Variants in EEF2K observed in about 807,000 individuals in gnomAD.
EEF2K encodes the protein eukaryotic elongation factor 2 kinase.
A neutral mutation model predicts 93.8 loss-of-function variants in EEF2K; 70 were observed. The observed-to-expected ratio is 0.75, with a 90% confidence interval of 0.62 to 0.91. The LOEUF (loss-of-function observed/expected upper bound fraction) is 0.91. Among genes scored for constraint, EEF2K ranks in the 40% least tolerant of loss-of-function variants. EEF2K has a pLI of 0.00. For missense variants in EEF2K, 935 were observed against 972.9 expected (o/e 0.96, Z 0.52); for synonymous variants, 376 against 380.8 (o/e 0.99, Z 0.15).
chr16:22,268,562 GT>G lies in EEF2K; in HGVS notation c.1764+1688del, dbSNP rs529275709. 5.9e-5 allele frequency among the ~76,000 whole-genome samples: 9 copies of G among 152,070 alleles called. No individual in the cohort carries two copies. In the South Asian group the frequency reaches 1.9e-3, roughly 32 times the overall value. ...GCTCACTGTAGCCTTGACCTCCTGG[GT>G]TCAAGCGATCCTCCTGCCTCAGCCT... On this transcript the variant is annotated intron_variant, in intron 15 of 17. Coordinates refer to ENST00000263026, the MANE Select transcript of EEF2K (RefSeq NM_013302.5).
At position 22,283,865 on chromosome 16, in the gene EEF2K, G is replaced by GC. The variant is rs756800904; in HGVS notation, c.2069-16dup. Reference sequence around the variant, plus strand: ...AACAACAGGTGGTTCACCTCTTTTTGCCCCCCTTTGCTGTCTTTCAGGGGA... The same window carrying GC: ...AACAACAGGTGGTTCACCTCTTTTTGCCCCCCCTTTGCTGTCTTTCAGGGGA... On this transcript the variant is annotated intron_variant, in intron 17 of 17. Transcript: ENST00000263026. 176 of 1,563,102 alleles carry GC rather than the reference G, an allele frequency of 1.1e-4. 2 individuals are homozygous for GC. The East Asian group carries it at 3.8e-3, about 34-fold the overall frequency.
chr16:22,260,640 C>G, intron 11 of EEF2K, 111 bp downstream of exon 11: 1 of 1,343,032 alleles, frequency 7.4e-7, no homozygotes, highest in Admixed American at 1.8e-5. Context: ...AGCCCAGGCA[C>G]TGCCAGGAGG....
rs1018940464 is a variant in EEF2K at position 22,285,118 on chromosome 16, C to G, written c.*1122C>G. The G allele has an allele frequency of 6.6e-6, 1 of 152,596 alleles. No individual in the cohort carries two copies. The highest frequency in any genetic ancestry group is 1.5e-5 in the Non-Finnish European group (1 of 68,054). The allele number at this position is 152,596 out of a possible 1,614,324, so 9.5% of individuals were successfully genotyped here. On this transcript the variant is annotated 3_prime_UTR_variant, in exon 18 of 18. Transcript: ENST00000263026. ...GAGGGTGCACCTCAAAGCTTTTACA[C>G]GTAAGGACAGCGGCTTGGAATGTGA...
At chr16:22,269,955 CTTT>C (rs60467730) in intron 15 of EEF2K, among the ~76,000 whole-genome samples, 2 of 141,786 alleles carry the variant, frequency 1.4e-5, no homozygotes, top group African/African-American at 5.2e-5. Context: ...CTTCCTGATT[CTTT>C]TTTTTTTTTT....
chr16:22,283,796 G>A, intron 17 of EEF2K, 91 bp from the exon 18 acceptor site: 21 of 1,231,794 alleles, frequency 1.7e-5, no homozygotes, highest in Non-Finnish European at 2.3e-5. Context: ...GAAACGTCAG[G>A]GTGTTCTTCT....
rs190422965 is a variant in EEF2K at position 22,257,613 on chromosome 16, A to G, written c.902-30A>G. 1,151 of 1,608,462 alleles carry G rather than the reference A, an allele frequency of 7.2e-4. 6 individuals carry two copies. The African/African-American group carries it at 0.013, about 19-fold the overall frequency. ...CTGTCCCCCGTCACAGAGCAAAGCA[A>G]CACTCCAGACACCCCCGCTCTGTCC... On this transcript the variant is annotated intron_variant, in intron 8 of 17. Coordinates refer to ENST00000263026, the MANE Select transcript of EEF2K (RefSeq NM_013302.5).
chr16:22,224,817 G>A (rs939982240), intron 1 of EEF2K, among the ~76,000 whole-genome samples: 3 of 152,042 alleles, frequency 2.0e-5, no homozygotes, highest in East Asian at 3.8e-4. Flanking sequence ...GCTAGTTGTG[G>A]TGGTAGGCAC....
chr16:22,214,116 A>G (rs2046938673), intron 1 of EEF2K, among the ~76,000 whole-genome samples: 1 of 152,154 alleles, frequency 6.6e-6, no homozygotes, highest in African/African-American at 2.4e-5. Flanking sequence ...GATTATTGGG[A>G]CATAACAGCA....
intron 4 of EEF2K, among the ~76,000 whole-genome samples, chr16:22,249,267 G>A (rs1405937355): frequency 3.4e-5 from 5 of 147,560 alleles, no homozygotes; most frequent in African/African-American, 1.0e-4. Context: ...CACCACACCC[G>A]TCTCTACTAA....
In EEF2K at chr16:22,287,857, T is replaced by G. The variant is rs2047765797; in HGVS notation, c.*3861T>G. On this transcript the variant is annotated 3_prime_UTR_variant, in exon 18 of 18. Transcript: ENST00000263026. ...TTTTTTAAGACACAAGGTCTCACTT[T>G]GTTACTCAGGCTGGAGTGCAGTGGC... The G allele has an allele frequency of 6.6e-6, 1 of 152,162 alleles. No homozygotes were observed. The highest frequency in any genetic ancestry group is 6.6e-5 in the Admixed American group (1 of 15,266). 9.4% of individuals were successfully genotyped at this position (152,162 alleles called of 1,614,324 possible).
intron 2 of EEF2K, among the ~76,000 whole-genome samples, chr16:22,243,922 C>CAAAAAA (rs1011054825): frequency 1.6e-5 from 1 of 61,996 alleles, no homozygotes; most frequent in East Asian, 4.7e-4. Flanking sequence ...GACCCTGTCT[C>CAAAAAA]AAAAAAAAAA....
intron 2 of EEF2K, among the ~76,000 whole-genome samples, chr16:22,236,947 T>TC: frequency 7.9e-6 from 1 of 126,070 alleles, no homozygotes; most frequent in African/African-American, 3.0e-5. Flanking sequence ...TTTTTTTTTT[T>TC]TTTTTTTTTT....
rs752041081 is a variant in EEF2K at position 22,280,221 on chromosome 16, T to C, written c.1913T>C (p.Leu638Pro). 6.4e-7 allele frequency: 1 copy of C among 1,567,622 alleles called. No homozygotes were observed. Among genetic ancestry groups the C allele is most frequent in the South Asian group, 1.2e-5 (1 of 84,206 alleles). Residue 638 changes from leucine (L) to proline (P), a missense_variant, in exon 17 of 18, where the codon CTG becomes CCG. Coordinates refer to ENST00000263026, the MANE Select transcript of EEF2K (RefSeq NM_013302.5). ...AGGTGCCAAGACTGGCTAGAGGCCC[T>C]GCACTGGTACAACACTGCCCTGGAG... is the stretch of plus-strand genomic sequence containing the variant. The part of the protein sequence containing the change: ...PDRCQDWLEA[L>P]HWYNTALEMT...
At chr16:22,251,959 A>T (rs1211362610) in intron 6 of EEF2K, among the ~76,000 whole-genome samples, 2 of 151,522 alleles carry the variant, frequency 1.3e-5, no homozygotes, top group African/African-American at 2.4e-5. Flanking sequence ...ATGCCTAGCT[A>T]ATTTTTGTAT....
chr16:22,272,668 C>CT lies in EEF2K; in HGVS notation c.1765-943dup, dbSNP rs34054772. On this transcript the variant is annotated intron_variant, in intron 15 of 17. Transcript: ENST00000263026. The stretch of plus-strand genomic sequence containing the variant: ...ATATACTAAAAACTACGGATGTGTA[C>CT]TTTTTTTTTTTTTTTGAGACGGTGT... Among the ~76,000 whole-genome samples, 505 of 143,052 alleles carry CT rather than the reference C, an allele frequency of 3.5e-3. 1 individual carries two copies. The highest frequency in any genetic ancestry group is 0.024 in the East Asian group (117 of 4,906). The allele number at this position is 143,052 out of a possible 152,430, so 93.8% of individuals were successfully genotyped here.
chr16:22,223,310 ACT>A (rs1257845406), intron 1 of EEF2K, among the ~76,000 whole-genome samples: 1 of 130,100 alleles, frequency 7.7e-6, no homozygotes, highest in African/African-American at 3.0e-5. Flanking sequence ...ACAAGGTCTC[ACT>A]CTGTCACCCA....
chr16:22,257,119 C>G lies in EEF2K; in HGVS notation c.769-134C>G, dbSNP rs536723413. 5 of 1,482,306 alleles carry G rather than the reference C, an allele frequency of 3.4e-6. No homozygotes were observed. In the Admixed American group the frequency reaches 9.1e-5, roughly 27 times the overall value. The allele number at this position is 1,482,306 out of a possible 1,614,324, so 91.8% of individuals were successfully genotyped here. ...CAAGGTCCCTGCCCAACTGAAGAGG[C>G]CTTTTTCCTTTGTCTTTTCCTCTAT... On this transcript the variant is annotated intron_variant, in intron 7 of 17. Coordinates refer to ENST00000263026, the MANE Select transcript of EEF2K (RefSeq NM_013302.5).
intron 15 of EEF2K, among the ~76,000 whole-genome samples, chr16:22,270,680 C>T (rs2047570343): frequency 2.0e-5 from 3 of 152,246 alleles, no homozygotes; most frequent in Non-Finnish European, 2.9e-5. Flanking sequence ...AGTGACTGGC[C>T]TCCTGCATAA....
chr16:22,234,783 A>G (rs2047150311), intron 2 of EEF2K, among the ~76,000 whole-genome samples: 1 of 151,060 alleles, frequency 6.6e-6, no homozygotes, highest in Non-Finnish European at 1.5e-5. Flanking sequence ...GCCTCTCTGG[A>G]CTTGCCTTTT....
Sources: gnomAD v4.1 joint callset for allele counts (sites outside exome capture counted in the v4.1 genomes callset) on GRCh38, gnomAD v4.1.1 for gene constraint, MANE v1.5 for transcripts, NCBI Gene and HGNC (gene_info 2026-07-23, HGNC 2026-07-21) for gene names.